Variants in RIMBP2 observed in about 807,000 individuals in gnomAD.
RIMBP2 encodes RIMS binding protein 2.
RIMBP2 carries 48 observed loss-of-function variants against 118.6 expected under a neutral mutation model. The observed-to-expected ratio is 0.40, with a 90% CI of 0.32 to 0.51. The LOEUF (loss-of-function observed/expected upper bound fraction) is 0.51, where lower values mean the gene tolerates loss of function less well. Among genes scored for constraint, RIMBP2 ranks in the 20% least tolerant of loss-of-function variants. The pLI is 0.41. For synonymous variants in RIMBP2, 762 were observed against 742.9 expected (o/e 1.03, Z -0.42); for missense variants, 1,551 against 1,768.3 (o/e 0.88, Z 2.20).
intron 2 of RIMBP2, among the ~76,000 whole-genome samples, chr12:130,526,191 T>C (rs1472583544): frequency 6.6e-6 from 1 of 152,188 alleles, no homozygotes; most frequent in Non-Finnish European, 1.5e-5. Context: ...CTGGTATTTT[T>C]AGTTCCATGA....
At chr12:130,452,936 T>C (rs1361580238) in intron 7 of RIMBP2, among the ~76,000 whole-genome samples, 1 of 152,202 alleles carries the variant, frequency 6.6e-6, no homozygotes, top group African/African-American at 2.4e-5. Flanking sequence ...TACCTGCCAT[T>C]GTGCCTGAGA....
intron 2 of RIMBP2, among the ~76,000 whole-genome samples, chr12:130,572,402 G>A (rs192358980): frequency 3.8e-4 from 58 of 152,124 alleles, no homozygotes; most frequent in African/African-American, 1.2e-3. Context: ...CCTTCTTCCC[G>A]GCTCGCATGA....
intron 4 of RIMBP2, among the ~76,000 whole-genome samples, chr12:130,500,395 T>A (rs965024591): frequency 6.6e-6 from 1 of 151,852 alleles, no homozygotes; most frequent in Non-Finnish European, 1.5e-5. Context: ...CAGGCGGAGG[T>A]TGCAGTGAGC....
At position 130,539,572 on chromosome 12, in the gene RIMBP2, C is replaced by T. The variant is rs570773110; in HGVS notation, c.-216-21655G>A. 1.7e-3 allele frequency among the ~76,000 whole-genome samples: 232 copies of T among 140,304 alleles called. 1 individual carries two copies. Among genetic ancestry groups the T allele is most frequent in the African/African-American group, 6.0e-3 (220 of 36,968 alleles). 92.0% of individuals were successfully genotyped at this position (140,304 alleles called of 152,430 possible). The stretch of plus-strand genomic sequence containing the variant: ...AGGTGTAGGATATGGCAAATGCAGT[C>T]GATGGGGTGGCCAGGTGTAGGATAT... On this transcript the variant is annotated intron_variant, in intron 2 of 22. Transcript: ENST00000690449.
intron 1 of RIMBP2, chr12:130,658,859 G>T (rs1444498371): frequency 6.6e-6 from 1 of 152,312 alleles, no homozygotes; most frequent in Non-Finnish European, 1.5e-5. Flanking sequence ...AGGCGGAGAT[G>T]CAAGTGCACA....
intron 2 of RIMBP2, among the ~76,000 whole-genome samples, chr12:130,550,817 G>T (rs925524546): frequency 5.3e-5 from 8 of 152,180 alleles, no homozygotes; most frequent in Non-Finnish European, 5.9e-5. Flanking sequence ...GGAGCTTATG[G>T]TCTCCTTGGG....
chr12:130,497,696 TAA>T (rs770557260), intron 4 of RIMBP2, among the ~76,000 whole-genome samples: 47 of 152,266 alleles, frequency 3.1e-4, no homozygotes, highest in African/African-American at 7.5e-4. Context: ...TTGCAGTGAG[TAA>T]AAAAGCCCAA....
At chr12:130,586,284 C>G (rs1018644783) in intron 2 of RIMBP2, among the ~76,000 whole-genome samples, 2 of 152,184 alleles carry the variant, frequency 1.3e-5, no homozygotes, top group African/African-American at 2.4e-5. Context: ...GAAACCCCAT[C>G]TCTACTAAAA....
At position 130,623,024 on chromosome 12, in the gene RIMBP2, T is replaced by C. The variant is rs1056256338; in HGVS notation, c.-217+5298A>G. Among the ~76,000 whole-genome samples the C allele has an allele frequency of 2.0e-5, 3 of 152,236 alleles. No individual in the cohort carries two copies. Among genetic ancestry groups the C allele is most frequent in the African/African-American group, 7.2e-5 (3 of 41,464 alleles). On this transcript the variant is annotated intron_variant, in intron 2 of 22. Transcript: ENST00000690449. This position sits in a 1 kb window ranked among gnomAD's most constrained non-coding sequence, Gnocchi z 4.1. Reference sequence around the variant, plus strand: ...TGGGGCCATTTCCTTCTAGTATCAATGGTTTCTTATCTCAACAAATATTTG... The same window carrying C: ...TGGGGCCATTTCCTTCTAGTATCAACGGTTTCTTATCTCAACAAATATTTG...
At chr12:130,553,610 G>T (rs1367539383) in intron 2 of RIMBP2, among the ~76,000 whole-genome samples, 1 of 152,152 alleles carries the variant, frequency 6.6e-6, no homozygotes, top group Non-Finnish European at 1.5e-5. Flanking sequence ...CAAGTGTGGT[G>T]GTGCATGCTT....
At chr12:130,677,420 GA>G (rs893399397) in intron 1 of RIMBP2, among the ~76,000 whole-genome samples, 2 of 152,100 alleles carry the variant, frequency 1.3e-5, no homozygotes, top group African/African-American at 4.8e-5. Context: ...CTGAGGTCAG[GA>G]GTTCGAGACC....
chr12:130,582,021 C>G (rs1306719890), intron 2 of RIMBP2, among the ~76,000 whole-genome samples: 4 of 152,102 alleles, frequency 2.6e-5, no homozygotes, highest in Non-Finnish European at 4.4e-5. Context: ...GCCTGGCACT[C>G]TCTTCCGTGA....
At chr12:130,521,604 A>G (rs753191573) in intron 2 of RIMBP2, among the ~76,000 whole-genome samples, 9 of 152,320 alleles carry the variant, frequency 5.9e-5, no homozygotes, top group Non-Finnish European at 1.3e-4. Flanking sequence ...GCTGTTGAGT[A>G]CTGACCACAT....
At chr12:130,479,785 G>A (rs1365787999) in intron 4 of RIMBP2, among the ~76,000 whole-genome samples, 2 of 151,706 alleles carry the variant, frequency 1.3e-5, no homozygotes, top group East Asian at 2.0e-4. Context: ...CAGCAGAGAG[G>A]ACAGAGCCGG....
At chr12:130,702,756 T>C (rs1312229176) in intron 1 of RIMBP2, among the ~76,000 whole-genome samples, 3 of 152,144 alleles carry the variant, frequency 2.0e-5, no homozygotes, top group Non-Finnish European at 2.9e-5. Context: ...GGCCCTGGAA[T>C]CAGATGATCC....
chr12:130,592,130 C>T (rs769990851), intron 2 of RIMBP2, among the ~76,000 whole-genome samples: 4 of 152,176 alleles, frequency 2.6e-5, no homozygotes, highest in African/African-American at 7.2e-5. Flanking sequence ...GACAGTCTCA[C>T]GACTGATTAC....
intron 17 of RIMBP2, among the ~76,000 whole-genome samples, chr12:130,421,894 CA>C (rs2076437979): frequency 6.6e-6 from 1 of 152,130 alleles, no homozygotes. Context: ...GGCTGAATTC[CA>C]AAAAGTCAGG....
intron 1 of RIMBP2, among the ~76,000 whole-genome samples, chr12:130,659,048 A>T (rs1386502144): frequency 7.9e-6 from 1 of 127,286 alleles, no homozygotes; most frequent in Non-Finnish European, 1.8e-5. Context: ...CCCGTAAATC[A>T]TCTTCATCCC....
At chr12:130,494,414 A>G (rs2048940886) in intron 4 of RIMBP2, among the ~76,000 whole-genome samples, 1 of 152,126 alleles carries the variant, frequency 6.6e-6, no homozygotes, top group South Asian at 2.1e-4. Flanking sequence ...CAAGGCAGGC[A>G]GATCACCCGA....
Sources: gnomAD v4.1 joint callset for allele counts (sites outside exome capture counted in the v4.1 genomes callset) on GRCh38, gnomAD v4.1.1 for gene constraint, Gnocchi (gnomAD v3.1) non-coding constraint, MANE v1.5 for transcripts, NCBI Gene and HGNC (gene_info 2026-07-23, HGNC 2026-07-21) for gene names.